The following SRPK2 variants were observed in gnomAD, a reference collection of about 807,000 sequenced individuals.
SRPK2 encodes the protein SRSF protein kinase 2.
SRPK2 carries 21 observed loss-of-function variants against 90.8 expected under a neutral mutation model. The observed-to-expected ratio is 0.23, with a 90% CI of 0.16 to 0.33. The LOEUF (loss-of-function observed/expected upper bound fraction) is 0.33, where lower values mean the gene tolerates loss of function less well. Among genes scored for constraint, SRPK2 ranks in the 10% least tolerant of loss-of-function variants. The probability of loss-of-function intolerance (pLI) is 1.00; values close to 1 mark genes in which losing one functional copy is unlikely to be tolerated. For missense variants in SRPK2, 620 were observed against 869.0 expected (o/e 0.71, Z 3.60); for synonymous variants, 288 against 311.1 (o/e 0.93, Z 0.78).
chr7:105,331,308 CAAAAA>C (rs57653042), intron 2 of SRPK2, among the ~76,000 whole-genome samples: 633 of 44,836 alleles, frequency 0.014, 1 homozygote, highest in African/African-American at 0.045. Flanking sequence ...GACTCCGTCT[CAAAAA>C]AAAAAAAAAA....
rs979366893 is a variant in SRPK2 at position 105,366,386 on chromosome 7, T to C, written c.71+22262A>G. 5.3e-4 allele frequency among the ~76,000 whole-genome samples: 80 copies of C among 151,526 alleles called. 1 individual carries two copies. In the South Asian group the frequency reaches 8.8e-3, roughly 17 times the overall value. Reference sequence around the variant, plus strand: ...GTATGCCTTTTTTTTTTTTTTCTTTTTGAGACGGAGTGTCACCCTGTCGCA... The same window carrying C: ...GTATGCCTTTTTTTTTTTTTTCTTTCTGAGACGGAGTGTCACCCTGTCGCA... On this transcript the variant is annotated intron_variant, in intron 2 of 15. Coordinates refer to ENST00000393651, the MANE Select transcript of SRPK2 (RefSeq NM_182692.3).
At chr7:105,234,107 A>G (rs892206734) in intron 2 of SRPK2, among the ~76,000 whole-genome samples, 1 of 152,134 alleles carries the variant, frequency 6.6e-6, no homozygotes, top group African/African-American at 2.4e-5. Context: ...TTTTAAACAG[A>G]TTCACATTAA....
chr7:105,388,808 C>T lies in SRPK2; in HGVS notation c.-2G>A, dbSNP rs1821975625. The T allele has an allele frequency of 1.4e-6, 2 of 1,438,322 alleles. No individual in the cohort carries two copies. Among genetic ancestry groups the T allele is most frequent in the African/African-American group, 2.9e-5 (2 of 68,150 alleles). The allele number at this position is 1,438,322 out of a possible 1,614,324, so 89.1% of individuals were successfully genotyped here. On this transcript the variant is annotated 5_prime_UTR_variant, in exon 1 of 16. Coordinates refer to ENST00000393651, the MANE Select transcript of SRPK2 (RefSeq NM_182692.3). ...CCACTCACCTTTCCGGGAGCTCATT[C>T]CGACGCGGCGGAAGCGGGGCGGGGG...
chr7:105,328,775 G>T (rs949329169), intron 2 of SRPK2, among the ~76,000 whole-genome samples: 7 of 150,584 alleles, frequency 4.6e-5, no homozygotes, highest in Admixed American at 1.3e-4. Context: ...TGAGGCAGGA[G>T]AATGGTGTGA....
At chr7:105,300,305 A>G (rs1810385872) in intron 2 of SRPK2, among the ~76,000 whole-genome samples, 2 of 151,100 alleles carry the variant, frequency 1.3e-5, no homozygotes, top group Admixed American at 6.6e-5. Context: ...TTAGAACACT[A>G]TGTGCACATA....
chr7:105,284,050 G>A (rs546402370), intron 2 of SRPK2, among the ~76,000 whole-genome samples: 6 of 152,178 alleles, frequency 3.9e-5, no homozygotes, highest in South Asian at 2.1e-4. Flanking sequence ...TTACTTGGGC[G>A]TTTTTTGTTT....
chr7:105,221,426 A>T (rs1049355266), intron 2 of SRPK2, among the ~76,000 whole-genome samples: 10 of 151,310 alleles, frequency 6.6e-5, no homozygotes. Flanking sequence ...AACAGTCCTC[A>T]TGCCCTTCTT....
intron 1 of SRPK2, among the ~76,000 whole-genome samples, chr7:105,398,138 C>T (rs944194215): frequency 2.0e-5 from 3 of 152,070 alleles, no homozygotes; most frequent in African/African-American, 7.2e-5. Context: ...AAAGGCAGTA[C>T]ATATGTATTT....
chr7:105,347,636 T>C (rs1318715957), intron 2 of SRPK2, among the ~76,000 whole-genome samples: 1 of 151,930 alleles, frequency 6.6e-6, no homozygotes, highest in African/African-American at 2.4e-5. Context: ...GGAGGATCGC[T>C]TGAGTCCAGG....
chr7:105,222,881 G>A (rs1273022708), intron 2 of SRPK2, among the ~76,000 whole-genome samples: 3 of 151,534 alleles, frequency 2.0e-5, no homozygotes, highest in Non-Finnish European at 4.4e-5. Flanking sequence ...TAATTTTACT[G>A]ATGAAAAAAA....
At chr7:105,258,646 G>A (rs1292962178) in intron 2 of SRPK2, among the ~76,000 whole-genome samples, 1 of 152,102 alleles carries the variant, frequency 6.6e-6, no homozygotes, top group Non-Finnish European at 1.5e-5. Flanking sequence ...TAAAATACTG[G>A]CAAACTGAAT....
chr7:105,179,805 A>G (rs1486589284), intron 3 of SRPK2, among the ~76,000 whole-genome samples: 1 of 145,910 alleles, frequency 6.9e-6, no homozygotes, highest in Non-Finnish European at 1.5e-5. Context: ...AGCCTGGGCA[A>G]CACAGTAAGA....
intron 2 of SRPK2, among the ~76,000 whole-genome samples, chr7:105,279,386 T>C (rs1236840617): frequency 1.3e-5 from 2 of 152,226 alleles, no homozygotes; most frequent in African/African-American, 4.8e-5. Context: ...GCAAAATTTA[T>C]AACCCAAGAG....
chr7:105,183,299 T>A (rs1038268534), intron 3 of SRPK2, among the ~76,000 whole-genome samples: 1 of 152,206 alleles, frequency 6.6e-6, no homozygotes, highest in African/African-American at 2.4e-5. Context: ...CACATTACTA[T>A]ACAAGCCAAT....
rs142374690 is a variant in SRPK2, at chr7:105,288,565, G to A, written c.72-84780C>T. Among the ~76,000 whole-genome samples, 426 of 152,242 alleles carry A rather than the reference G, an allele frequency of 2.8e-3. 11 individuals are homozygous for A. The East Asian group carries it at 0.054, about 19-fold the overall frequency. ...GCCAAGAATGCGCCATTGCACTCCA[G>A]CCCGAGCGACAGTGCAAAGTGCAAG... is the stretch of plus-strand genomic sequence containing the variant. On this transcript the variant is annotated intron_variant, in intron 2 of 15. Coordinates refer to ENST00000393651, the MANE Select transcript of SRPK2 (RefSeq NM_182692.3).
chr7:105,329,597 A>T (rs1814032277), intron 2 of SRPK2, among the ~76,000 whole-genome samples: 1 of 151,922 alleles, frequency 6.6e-6, no homozygotes. Context: ...CCGTCTCAAA[A>T]AAAAAAAAAA....
intron 2 of SRPK2, among the ~76,000 whole-genome samples, chr7:105,373,346 A>T (rs1819913913): frequency 6.7e-6 from 1 of 149,970 alleles, no homozygotes. Context: ...CAACCGGTTT[A>T]TCCTTTAACT....
intron 2 of SRPK2, among the ~76,000 whole-genome samples, chr7:105,281,044 A>AC (rs925120137): frequency 2.6e-4 from 38 of 148,606 alleles, no homozygotes; most frequent in African/African-American, 8.9e-4. Flanking sequence ...TTAACTTTCA[A>AC]CCCATTTCTT....
intron 2 of SRPK2, among the ~76,000 whole-genome samples, chr7:105,345,360 T>C (rs924550413): frequency 2.6e-5 from 4 of 152,158 alleles, no homozygotes; most frequent in African/African-American, 9.7e-5. Context: ...GAATCTCAAT[T>C]CTCAGTCTCA....
Sources: gnomAD v4.1 joint callset for allele counts (sites outside exome capture counted in the v4.1 genomes callset) on GRCh38, gnomAD v4.1.1 for gene constraint, MANE v1.5 for transcripts, NCBI Gene and HGNC (gene_info 2026-07-23, HGNC 2026-07-21) for gene names.